Variants in DIP2C observed in about 807,000 individuals in gnomAD.
DIP2C encodes disco-interacting protein 2 homolog C.
Under a neutral mutation model 192.4 loss-of-function variants are expected in DIP2C, and 33 were observed. That is an observed-to-expected ratio of 0.17 (90% CI 0.13 to 0.23). The LOEUF (loss-of-function observed/expected upper bound fraction) is 0.23, where lower values mean the gene tolerates loss of function less well. Among genes scored for constraint, DIP2C ranks in the 10% least tolerant of loss-of-function variants. DIP2C has a pLI of 1.00. For synonymous variants in DIP2C, 979 were observed against 864.1 expected (o/e 1.13, Z -2.33); for missense variants, 1,537 against 2,110.1 (o/e 0.73, Z 5.32).
At chr10:396,754 G>A (rs1243002265) in intron 10 of DIP2C, among the ~76,000 whole-genome samples, 1 of 151,512 alleles carries the variant, frequency 6.6e-6, no homozygotes, top group African/African-American at 2.4e-5. Flanking sequence ...ATGGGACCCA[G>A]GGGATGAGAA....
intron 1 of DIP2C, among the ~76,000 whole-genome samples, chr10:637,962 C>T (rs1001963078): frequency 6.6e-6 from 1 of 152,200 alleles, no homozygotes; most frequent in Non-Finnish European, 1.5e-5. Context: ...TCCATTAAGA[C>T]AAGCCAAGAC....
chr10:456,843 T>C (rs1331120367), intron 3 of DIP2C, among the ~76,000 whole-genome samples: 2 of 152,176 alleles, frequency 1.3e-5, no homozygotes, highest in African/African-American at 4.8e-5. Flanking sequence ...TTGTGCAAAA[T>C]GGTCAAGACA....
At chr10:439,216 A>G (rs1199712950) in intron 4 of DIP2C, among the ~76,000 whole-genome samples, 2 of 152,090 alleles carry the variant, frequency 1.3e-5, no homozygotes, top group Non-Finnish European at 2.9e-5. Context: ...GTTGGCAGAA[A>G]GAGCTCCCTT....
intron 1 of DIP2C, among the ~76,000 whole-genome samples, chr10:679,478 GCTC>G (rs1831036576): frequency 2.3e-5 from 1 of 42,962 alleles, no homozygotes; most frequent in Non-Finnish European, 4.1e-5. Context: ...CCACACCCCT[GCTC>G]CCCACACCCC....
At chr10:391,222 G>A (rs1448096579) in intron 10 of DIP2C, among the ~76,000 whole-genome samples, 1 of 152,200 alleles carries the variant, frequency 6.6e-6, no homozygotes, top group African/African-American at 2.4e-5. Flanking sequence ...AATTACTGTA[G>A]AGAATAGACA....
intron 1 of DIP2C, among the ~76,000 whole-genome samples, chr10:596,464 T>A (rs375386953): frequency 2.9e-3 from 346 of 117,966 alleles, no homozygotes; most frequent in Middle Eastern, 0.025. Context: ...CCATTGCACT[T>A]CAGCCTGGGC....
chr10:426,562 G>T (rs2133191108), intron 4 of DIP2C, among the ~76,000 whole-genome samples: 1 of 152,194 alleles, frequency 6.6e-6, no homozygotes, highest in South Asian at 2.1e-4. Flanking sequence ...TTTTGAAAAA[G>T]GAAAACAAAG....
chr10:384,537 G>A lies in DIP2C; in HGVS notation c.1756+9C>T, dbSNP rs772739916. 75 of 1,613,304 alleles carry A rather than the reference G, an allele frequency of 4.6e-5. No homozygotes were observed. Among genetic ancestry groups the A allele is most frequent in the South Asian group, 6.6e-5 (6 of 91,068 alleles). On this transcript the variant is annotated intron_variant, in intron 15 of 36. Transcript: ENST00000280886. ...ACAGGTGTGAGCCACTGCGCCCGGC[G>A]AGACCCACCTTTGTACTGGCAGACC... is the stretch of plus-strand genomic sequence containing the variant.
chr10:313,221 A>G (rs1006266397), intron 31 of DIP2C, among the ~76,000 whole-genome samples: 1 of 152,230 alleles, frequency 6.6e-6, no homozygotes, highest in African/African-American at 2.4e-5. Flanking sequence ...TCCCTAATGC[A>G]AAAGAGTGCC....
At chr10:290,001 G>A (rs536067247) in intron 32 of DIP2C, among the ~76,000 whole-genome samples, 33 of 152,360 alleles carry the variant, frequency 2.2e-4, no homozygotes, top group African/African-American at 7.9e-4. Flanking sequence ...TCCGGTTGCT[G>A]CAGACAGAAG....
chr10:606,755 G>A (rs1852515646), intron 1 of DIP2C, among the ~76,000 whole-genome samples: 1 of 152,186 alleles, frequency 6.6e-6, no homozygotes, highest in African/African-American at 2.4e-5. Flanking sequence ...CCCTCTTAAA[G>A]AACGTTTCTA....
At chr10:590,789 C>T (rs1002814462) in intron 1 of DIP2C, among the ~76,000 whole-genome samples, 2 of 152,212 alleles carry the variant, frequency 1.3e-5, no homozygotes, top group African/African-American at 4.8e-5. Context: ...TTACAGCCAC[C>T]ATTCTGATGA....
intron 18 of DIP2C, among the ~76,000 whole-genome samples, chr10:367,379 T>G (rs931197396): frequency 3.4e-5 from 5 of 149,104 alleles, no homozygotes; most frequent in Non-Finnish European, 5.9e-5. Flanking sequence ...ATCGCGCCAC[T>G]GCACTCCAGC....
chr10:602,570 G>A (rs181190715), intron 1 of DIP2C, among the ~76,000 whole-genome samples: 9 of 152,304 alleles, frequency 5.9e-5, no homozygotes, highest in Non-Finnish European at 8.8e-5. Flanking sequence ...AGATGTTGCC[G>A]TCTGTGAGCA....
chr10:390,059 A>G lies in DIP2C; in HGVS notation c.1529T>C (p.Val510Ala), dbSNP rs375159159. The G allele has an allele frequency of 3.1e-6, 5 of 1,614,164 alleles. No individual in the cohort carries two copies. The highest frequency in any genetic ancestry group is 1.7e-6 in the Non-Finnish European group (2 of 1,179,998). ...CAGCAGCGCAGTCCTCGTCACCGTCACACCCAGCACACTGCCATCCTTACA... is the reference window on the plus strand; with the variant it reads ...CAGCAGCGCAGTCCTCGTCACCGTCGCACCCAGCACACTGCCATCCTTACA... ...KTCKDGSVLG[V>A]TVTRTALLTH... Residue 510 changes from valine to alanine, a missense_variant, in exon 13 of 37, where the codon GTG becomes GCG. Val to Ala is a moderately conservative substitution (Grantham distance 64). Around this residue, in one of 4 missense-constraint regions of DIP2C, gnomAD observed 677 missense variants for 989.9 expected, o/e 0.68. Transcript: ENST00000280886.
intron 1 of DIP2C, among the ~76,000 whole-genome samples, chr10:660,346 C>T (rs1015174066): frequency 6.7e-6 from 1 of 150,358 alleles, no homozygotes; most frequent in African/African-American, 2.5e-5. Context: ...AACAGAGATC[C>T]TAGCCCTTGT....
rs573852870 is a variant in DIP2C, at chr10:434,796, C to T, written c.394+6075G>A. ...CTCTCAATAGTTTAAATATTTCACT[C>T]TACTTCTTGCTTTCGTGGTTTTTGA... is the stretch of plus-strand genomic sequence containing the variant. On this transcript the variant is annotated intron_variant, in intron 4 of 36. Coordinates refer to ENST00000280886, the MANE Select transcript of DIP2C (RefSeq NM_014974.3). 5.8e-4 allele frequency among the ~76,000 whole-genome samples: 88 copies of T among 152,266 alleles called. 1 individual carries two copies. In the Middle Eastern group the frequency reaches 0.01, roughly 18 times the overall value.
intron 36 of DIP2C, among the ~76,000 whole-genome samples, chr10:279,815 C>G (rs569544474): frequency 3.2e-4 from 49 of 152,354 alleles, no homozygotes; most frequent in African/African-American, 1.1e-3. Flanking sequence ...CAGGTAACAG[C>G]AGCGACATTT....
Position 577,234 on chromosome 10 carries a change from G to A in DIP2C, c.86-90704C>T, listed in dbSNP as rs116708830. Among the ~76,000 whole-genome samples, 1,407 of 152,324 alleles carry A rather than the reference G, an allele frequency of 9.2e-3. 29 individuals carry two copies. Among genetic ancestry groups the A allele is most frequent in the African/African-American group, 0.032 (1,347 of 41,568 alleles). On this transcript the variant is annotated intron_variant, in intron 1 of 36. Transcript: ENST00000280886. ...CACTGACACATGGTACAAGAAGAATGACCTCCAGTTAAGTCACTGGATTTA... is the reference window on the plus strand; with the variant it reads ...CACTGACACATGGTACAAGAAGAATAACCTCCAGTTAAGTCACTGGATTTA...
Sources: allele counts gnomAD v4.1 joint callset (sites outside exome capture counted in the v4.1 genomes callset), GRCh38; gene constraint gnomAD v4.1.1; regional missense constraint gnomAD v4.1.1; transcripts MANE v1.5; gene names NCBI Gene and HGNC (gene_info 2026-07-23, HGNC 2026-07-21).